PID1: variants seen among roughly 807,000 people sequenced by gnomAD.
PID1 encodes the protein PTB-containing, cubilin and LRP1-interacting protein.
In PID1, 10 loss-of-function variants were observed where a neutral mutation model predicts 19.1. The observed-to-expected ratio is 0.52, with a 90% CI of 0.32 to 0.89. PID1 has a LOEUF of 0.89. Among genes scored for constraint, PID1 ranks in the 40% least tolerant of loss-of-function variants. The probability of loss-of-function intolerance (pLI) is 0.03; values close to 1 mark genes in which losing one functional copy is unlikely to be tolerated. For synonymous variants in PID1, 130 were observed against 116.0 expected (o/e 1.12, Z -0.78); for missense variants, 248 against 285.3 (o/e 0.87, Z 0.94).
At chr2:229,109,197 A>G (rs1234755795) in intron 2 of PID1, among the ~76,000 whole-genome samples, 1 of 152,206 alleles carries the variant, frequency 6.6e-6, no homozygotes, top group East Asian at 1.9e-4. Flanking sequence ...GTAATTTGGT[A>G]GCCGAATCAC....
Position 229,155,522 on chromosome 2 carries a change from G to A in PID1, c.177+296C>T, listed in dbSNP as rs558442145. On this transcript the variant is annotated intron_variant, in intron 2 of 2. Transcript: ENST00000392055. Reference sequence around the variant, plus strand: ...CAGGAGGCGGAGCTTGCAGTGAGCCGAGATCACACCACTGCACTCCAGCCT... The same window carrying A: ...CAGGAGGCGGAGCTTGCAGTGAGCCAAGATCACACCACTGCACTCCAGCCT... 8.7e-5 allele frequency among the ~76,000 whole-genome samples: 13 copies of A among 149,152 alleles called. No individual in the cohort carries two copies. In the South Asian group the frequency reaches 1.3e-3, roughly 15 times the overall value.
chr2:229,093,590 G>A (rs28527411), intron 2 of PID1, among the ~76,000 whole-genome samples: 21,055 of 152,124 alleles, frequency 0.14, 2,376 homozygotes, highest in African/African-American at 0.31. Flanking sequence ...ATGTATGTGT[G>A]CATCGGCTGA....
At chr2:229,063,738 A>AT (rs1274829646) in intron 2 of PID1, among the ~76,000 whole-genome samples, 1 of 152,086 alleles carries the variant, frequency 6.6e-6, no homozygotes, top group Admixed American at 6.6e-5. Flanking sequence ...GTCCCCTACT[A>AT]TTATTGTATT....
chr2:229,206,076 T>G (rs766447077), intron 1 of PID1, among the ~76,000 whole-genome samples: 16 of 152,132 alleles, frequency 1.1e-4, no homozygotes, highest in Non-Finnish European at 2.2e-4. Flanking sequence ...CCTGTGTGCT[T>G]TGGGTGAAAT....
intron 2 of PID1, among the ~76,000 whole-genome samples, chr2:229,096,439 C>A (rs1694972378): frequency 6.6e-6 from 1 of 152,086 alleles, no homozygotes; most frequent in African/African-American, 2.4e-5. Flanking sequence ...AAGAGCTCAG[C>A]AATTTTCTTG....
At chr2:229,047,546 T>C (rs867254943) in intron 2 of PID1, among the ~76,000 whole-genome samples, 1 of 152,250 alleles carries the variant, frequency 6.6e-6, no homozygotes, top group Non-Finnish European at 1.5e-5. Context: ...AGGACTTCTA[T>C]TTATTTTATG....
chr2:229,129,339 G>A (rs7583017), intron 2 of PID1, among the ~76,000 whole-genome samples: 1,962 of 151,566 alleles, frequency 0.013, 40 homozygotes, highest in African/African-American at 0.045. Flanking sequence ...GCATGAACCC[G>A]GGAGGCAGAA....
intron 2 of PID1, among the ~76,000 whole-genome samples, chr2:229,111,157 G>A (rs550842273): frequency 6.6e-6 from 1 of 152,112 alleles, no homozygotes; most frequent in African/African-American, 2.4e-5. Flanking sequence ...ATGGAACTGT[G>A]AGTCCATTAA....
intron 2 of PID1, among the ~76,000 whole-genome samples, chr2:229,150,745 T>C (rs966851468): frequency 7.2e-5 from 11 of 152,164 alleles, no homozygotes; most frequent in African/African-American, 2.4e-4. Flanking sequence ...GGAACGGGTA[T>C]TGTACAGCAT....
intron 2 of PID1, among the ~76,000 whole-genome samples, chr2:229,081,977 C>T (rs905527808): frequency 1.1e-4 from 16 of 151,830 alleles, no homozygotes; most frequent in Non-Finnish European, 2.4e-4. Flanking sequence ...TTAGTCTCAG[C>T]AACACTTAAG....
chr2:229,129,546 G>C (rs1033810840), intron 2 of PID1, among the ~76,000 whole-genome samples: 1 of 152,188 alleles, frequency 6.6e-6, no homozygotes, highest in African/African-American at 2.4e-5. Flanking sequence ...TTCATTGCCT[G>C]GCAGTTCTCC....
chr2:229,045,544 G>T (rs1326313), intron 2 of PID1, among the ~76,000 whole-genome samples: 81,202 of 151,354 alleles, frequency 0.54, 22,855 homozygotes, highest in African/African-American at 0.71. Flanking sequence ...GGCTTTCAGG[G>T]CTCTGCTATC....
intron 1 of PID1, chr2:229,231,962 G>T (rs1203240732): frequency 1.3e-6 from 2 of 1,550,486 alleles, no homozygotes; most frequent in Non-Finnish European, 8.7e-7. Flanking sequence ...TCAAGGTGCG[G>T]GCTTGTTTGA....
intron 2 of PID1, among the ~76,000 whole-genome samples, chr2:229,050,658 G>A (rs1373233678): frequency 2.6e-5 from 4 of 152,072 alleles, no homozygotes; most frequent in African/African-American, 9.7e-5. Context: ...CAATAGACTT[G>A]CACAGGACTC....
chr2:229,070,410 T>G (rs185859956), intron 2 of PID1, among the ~76,000 whole-genome samples: 1 of 152,216 alleles, frequency 6.6e-6, no homozygotes, highest in Non-Finnish European at 1.5e-5. Context: ...AGATAACCCA[T>G]GTAAAGGGCT....
rs181483419 is a variant in PID1 at position 229,130,587 on chromosome 2, T to G, written c.177+25231A>C. On this transcript the variant is annotated intron_variant, in intron 2 of 2. Coordinates refer to ENST00000392055, the MANE Select transcript of PID1 (RefSeq NM_001100818.2). ...TAGGCTTGTCAGGCAGTTTCATGGG[T>G]CTAGTTGAAGCTGGTGACTATGAAT... 1.6e-3 allele frequency among the ~76,000 whole-genome samples: 243 copies of G among 151,976 alleles called. 1 individual carries two copies. Among genetic ancestry groups the G allele is most frequent in the African/African-American group, 5.7e-3 (234 of 41,408 alleles).
At chr2:229,046,517 T>A (rs1693885116) in intron 2 of PID1, among the ~76,000 whole-genome samples, 1 of 152,002 alleles carries the variant, frequency 6.6e-6, no homozygotes, top group African/African-American at 2.4e-5. Flanking sequence ...CTTGGCTAGA[T>A]CTTACGGTGA....
At chr2:229,115,888 G>A (rs1179047517) in intron 2 of PID1, among the ~76,000 whole-genome samples, 1 of 152,038 alleles carries the variant, frequency 6.6e-6, no homozygotes, top group African/African-American at 2.4e-5. Flanking sequence ...ATTGCTTCAT[G>A]GGTTTCATTC....
chr2:229,245,201 T>A (rs1017400095), intron 1 of PID1: 1 of 152,108 alleles, frequency 6.6e-6, no homozygotes, highest in African/African-American at 2.4e-5. Context: ...GCACTCCCTT[T>A]TTCCTGTGTT....
Sources: allele counts gnomAD v4.1 joint callset (sites outside exome capture counted in the v4.1 genomes callset), GRCh38; gene constraint gnomAD v4.1.1; transcripts MANE v1.5; gene names NCBI Gene and HGNC (gene_info 2026-07-23, HGNC 2026-07-21).